The following RFX3 variants were observed in gnomAD, a reference collection of about 807,000 sequenced individuals.
RFX3 encodes regulatory factor X3.
Under a neutral mutation model 98.6 loss-of-function variants are expected in RFX3, and 14 were observed. The observed-to-expected ratio is 0.14, with a 90% confidence interval of 0.09 to 0.22. The LOEUF (loss-of-function observed/expected upper bound fraction) is 0.22, where lower values mean the gene tolerates loss of function less well. RFX3 is among the 10% of genes least tolerant of loss of function. RFX3 has a pLI of 1.00. For synonymous variants in RFX3, 383 were observed against 328.4 expected, an observed-to-expected ratio of 1.17 and a Z score of -1.80; for missense variants, 639 against 926.9, an observed-to-expected ratio of 0.69 and a Z score of 4.03.
At chr9:3,285,155 G>A (rs971964934) in intron 7 of RFX3, among the ~76,000 whole-genome samples, 6 of 151,606 alleles carry the variant, frequency 4.0e-5, no homozygotes, top group Non-Finnish European at 7.4e-5. Context: ...TTCACTATAA[G>A]AACATATAAA....
At position 3,262,946 on chromosome 9, in the gene RFX3, C is replaced by T. The variant is rs771808719; in HGVS notation, c.1594G>A (p.Ala532Thr). The T allele has an allele frequency of 1.2e-6, 2 of 1,613,250 alleles. No individual in the cohort carries two copies. The highest frequency in any genetic ancestry group is 1.7e-5 in the Admixed American group (1 of 59,936). The change falls in exon 13 of 17, where the codon GCC (alanine) becomes ACC (threonine). Residue 532 changes from alanine to threonine, a missense_variant. By Grantham distance (58) the Ala-to-Thr change is moderately conservative. This residue lies in a region of RFX3 where 138 missense variants were observed against 308.9 expected (regional missense o/e 0.45). Transcript: ENST00000617270. Reference sequence around the variant, plus strand: ...AGGAAATAGAATACCTGGACATTGGCAAAGTCGACACGGTTGAGGTCACTA... The same window carrying T: ...AGGAAATAGAATACCTGGACATTGGTAAAGTCGACACGGTTGAGGTCACTA... ...MLSDLNRVDF[A>T]NVQEQASWVC... is the part of the protein sequence containing the mutation.
intron 1 of RFX3, among the ~76,000 whole-genome samples, chr9:3,429,258 G>A (rs1443564703): frequency 1.3e-5 from 2 of 150,914 alleles, no homozygotes; most frequent in African/African-American, 2.4e-5. Flanking sequence ...TCCTGACCTC[G>A]TGATCCGCCC....
intron 1 of RFX3, among the ~76,000 whole-genome samples, chr9:3,504,175 TATTATAC>T (rs1204006561): frequency 4.1e-5 from 4 of 98,148 alleles, no homozygotes; most frequent in African/African-American, 2.5e-4. Context: ...ATATATTATA[TATTATAC>T]ATATTATATA....
intron 4 of RFX3, among the ~76,000 whole-genome samples, chr9:3,311,836 A>C (rs1829997823): frequency 6.7e-6 from 1 of 148,874 alleles, no homozygotes. Context: ...GTGAGCCAAG[A>C]TTGCACCACT....
At chr9:3,288,284 A>G (rs1330970027) in intron 6 of RFX3, 34 bp from the exon 7 acceptor site, 2 of 1,603,672 alleles carry the variant, frequency 1.2e-6, no homozygotes, top group Middle Eastern at 1.7e-4. Flanking sequence ...TAGAAACAAA[A>G]GTCAGTCAAA....
In RFX3 at chr9:3,277,395, G is replaced by A; in HGVS notation, c.918C>T (p.Gly306=). ...CAATTACAGTTTGCTCAACAGATGTGCCTGTCTGTTGACCACTTCCTGTGA... is the reference window on the plus strand; with the variant it reads ...CAATTACAGTTTGCTCAACAGATGTACCTGTCTGTTGACCACTTCCTGTGA... ...DGFTGSGQQT[G]TSVEQTVIAQ... is the part of the protein sequence containing the mutation. Residue 306 remains glycine, a synonymous_variant, in exon 8 of 17, where the codon GGC becomes GGT. Coordinates refer to ENST00000617270, the MANE Select transcript of RFX3 (RefSeq NM_001282116.2). 1 of 1,612,742 alleles carries A rather than the reference G, an allele frequency of 6.2e-7. No individual in the cohort carries two copies. Among genetic ancestry groups the A allele is most frequent in the South Asian group, 1.1e-5 (1 of 91,056 alleles).
intron 5 of RFX3, among the ~76,000 whole-genome samples, 169 bp from the exon 6 acceptor site, chr9:3,293,427 AG>A (rs1326649729): frequency 6.6e-6 from 1 of 152,218 alleles, no homozygotes; most frequent in Non-Finnish European, 1.5e-5. Context: ...GAAAACGCTC[AG>A]AAACACTGTA....
rs577875175 is a variant in RFX3, at chr9:3,380,161, A to G, written c.117+15311T>C. On this transcript the variant is annotated intron_variant, in intron 2 of 16. Transcript: ENST00000617270. ...AGGCTGGTCTTGAGCTCCTGACCTCAGGTGATCCACCAGCCTCAGCCTCCC... is the reference window on the plus strand; with the variant it reads ...AGGCTGGTCTTGAGCTCCTGACCTCGGGTGATCCACCAGCCTCAGCCTCCC... Among the ~76,000 whole-genome samples, 52 of 152,226 alleles carry G rather than the reference A, an allele frequency of 3.4e-4. 3 individuals carry two copies. In the South Asian group the frequency reaches 0.011, roughly 31 times the overall value.
chr9:3,232,038 ACAAGCAAGCAAGCAAG>A, intron 15 of RFX3, among the ~76,000 whole-genome samples: 1 of 62,954 alleles, frequency 1.6e-5, no homozygotes, highest in Non-Finnish European at 3.2e-5. Flanking sequence ...TGTCTCAAAA[ACAAGCAAGCAAGCAAG>A]CAAGCAAGCA....
At chr9:3,344,651 A>C (rs894064798) in intron 3 of RFX3, 1 of 577,438 alleles carries the variant, frequency 1.7e-6, no homozygotes, top group South Asian at 2.2e-5. Flanking sequence ...CGAAAGCTAC[A>C]AACTCCCATT....
intron 2 of RFX3, chr9:3,364,407 CT>C: frequency 4.3e-6 from 1 of 231,176 alleles, no homozygotes; most frequent in Non-Finnish European, 8.4e-6. Context: ...AATGGGCGGT[CT>C]TTTTCTTCAT....
At chr9:3,362,210 C>A (rs990369298) in intron 2 of RFX3, among the ~76,000 whole-genome samples, 1 of 152,156 alleles carries the variant, frequency 6.6e-6, no homozygotes, top group African/African-American at 2.4e-5. Context: ...GACTTCCTTG[C>A]ATATTCAATG....
chr9:3,310,518 T>C (rs936155914), intron 4 of RFX3, among the ~76,000 whole-genome samples: 2 of 152,234 alleles, frequency 1.3e-5, no homozygotes, highest in African/African-American at 4.8e-5. Flanking sequence ...ATTGGTTTCA[T>C]GGTAGAAACT....
chr9:3,314,345 C>G (rs970905751), intron 4 of RFX3, among the ~76,000 whole-genome samples: 1 of 152,152 alleles, frequency 6.6e-6, no homozygotes, highest in Non-Finnish European at 1.5e-5. Context: ...CACCACCAGG[C>G]CTGCCTTACA....
At chr9:3,306,982 G>A (rs868071938) in intron 4 of RFX3, among the ~76,000 whole-genome samples, 46 of 152,096 alleles carry the variant, frequency 3.0e-4, no homozygotes, top group African/African-American at 1.1e-3. Flanking sequence ...TGCATAATGG[G>A]GGCGGGTCTT....
At chr9:3,241,531 A>T (rs1454109251) in intron 15 of RFX3, among the ~76,000 whole-genome samples, 1 of 152,200 alleles carries the variant, frequency 6.6e-6, no homozygotes, top group Non-Finnish European at 1.5e-5. Flanking sequence ...TTCCTTTCTC[A>T]AATCCAAGAA....
At chr9:3,305,079 C>CA (rs1563894725) in intron 4 of RFX3, among the ~76,000 whole-genome samples, 3 of 151,926 alleles carry the variant, frequency 2.0e-5, no homozygotes, top group African/African-American at 7.3e-5. Flanking sequence ...TGGAAGTGTT[C>CA]AGGGGGTAAA....
rs367664062 is a variant in RFX3, at chr9:3,472,938, C to G, written c.-9+52809G>C. The stretch of plus-strand genomic sequence containing the variant: ...CAGTAACGAGATGATCCAGAGTTGA[C>G]TTAGACAGGCTATTCAGGCCCTTTC... On this transcript the variant is annotated intron_variant, in intron 1 of 16. Transcript: ENST00000617270. Among the ~76,000 whole-genome samples, 107 of 152,260 alleles carry G rather than the reference C, an allele frequency of 7.0e-4. No individual in the cohort carries two copies. In the South Asian group the frequency reaches 0.021, roughly 30 times the overall value.
chr9:3,239,715 T>C (rs1406562724), intron 15 of RFX3, among the ~76,000 whole-genome samples: 1 of 152,180 alleles, frequency 6.6e-6, no homozygotes, highest in Non-Finnish European at 1.5e-5. Flanking sequence ...AAGAGGGGCC[T>C]TTGGCCCAAG....
Sources: allele counts gnomAD v4.1 joint callset (sites outside exome capture counted in the v4.1 genomes callset), GRCh38; gene constraint gnomAD v4.1.1; regional missense constraint gnomAD v4.1.1; transcripts MANE v1.5; gene names NCBI Gene and HGNC (gene_info 2026-07-23, HGNC 2026-07-21).